Variants in ZNF680 observed in about 807,000 individuals in gnomAD.
ZNF680 encodes the protein hypothetical protein FLJ90430.
In ZNF680, 6 loss-of-function variants were observed where a neutral mutation model predicts 12.1. The ratio of observed to expected loss-of-function variants is 0.49; its 90% CI spans 0.27 to 0.98. The LOEUF (loss-of-function observed/expected upper bound fraction) is 0.98. Ranked by LOEUF, ZNF680 falls within the 50% of genes least tolerant of loss-of-function variation. The pLI, the probability that ZNF680 is intolerant of heterozygous loss-of-function variation, is 0.12. For synonymous variants in ZNF680, 170 were observed against 199.3 expected, an observed-to-expected ratio of 0.85 and a Z score of 1.24; for missense variants, 561 against 616.3, an observed-to-expected ratio of 0.91 and a Z score of 0.95.
chr7:64,535,901 A>G (rs1409436752), intron 3 of ZNF680, among the ~76,000 whole-genome samples: 2 of 152,036 alleles, frequency 1.3e-5, no homozygotes, highest in Non-Finnish European at 2.9e-5. Context: ...TCGAGATCAC[A>G]CCACCGCACT....
At chr7:64,512,092 T>C in the ZNF680 span, among the ~76,000 whole-genome samples, 1 of 150,556 alleles carries the variant, frequency 6.6e-6, no homozygotes, top group Non-Finnish European at 1.5e-5. Flanking sequence ...AAAATAAATA[T>C]CCAAGCCATA....
chr7:64,503,795 A>G, the ZNF680 span, among the ~76,000 whole-genome samples: 1 of 152,216 alleles, frequency 6.6e-6, no homozygotes, highest in Non-Finnish European at 1.5e-5. Context: ...CAAGATGCAG[A>G]GAAGACATAT....
chr7:64,514,940 G>A (rs1244879892), downstream of ZNF680, among the ~76,000 whole-genome samples: 1 of 152,120 alleles, frequency 6.6e-6, no homozygotes, highest in Non-Finnish European at 1.5e-5. Flanking sequence ...CTACTTGGGA[G>A]GTTGAGGCAG....
intron 1 of ZNF680, among the ~76,000 whole-genome samples, chr7:64,556,013 C>T (rs563553690): frequency 6.6e-6 from 1 of 151,274 alleles, no homozygotes; most frequent in Admixed American, 6.6e-5. Flanking sequence ...AAAAAAATCC[C>T]ATTCACAATA....
At chr7:64,503,216 C>CTA in the ZNF680 span, among the ~76,000 whole-genome samples, 1 of 151,928 alleles carries the variant, frequency 6.6e-6, no homozygotes, top group Non-Finnish European at 1.5e-5. Context: ...AAATAATGAA[C>CTA]TATAATGTGT....
chr7:64,503,279 CAT>C, the ZNF680 span, among the ~76,000 whole-genome samples: 4 of 74,910 alleles, frequency 5.3e-5, no homozygotes, highest in African/African-American at 2.9e-4. Context: ...TTTCAGCACA[CAT>C]ATAGTTTTGT....
chr7:64,501,231 C>CA, the ZNF680 span: 1 of 868,046 alleles, frequency 1.2e-6, no homozygotes, highest in Non-Finnish European at 2.0e-6. Flanking sequence ...AAAGGATGTA[C>CA]AGTTGCCCAG....
At chr7:64,535,262 C>T (rs1367128379) in intron 3 of ZNF680, among the ~76,000 whole-genome samples, 4 of 151,996 alleles carry the variant, frequency 2.6e-5, no homozygotes, top group Non-Finnish European at 5.9e-5. Context: ...CTACTGGAGA[C>T]GCTGAAGTTA....
At chr7:64,525,511 C>A (rs1420737889) in intron 3 of ZNF680, 3 of 153,424 alleles carry the variant, frequency 2.0e-5, no homozygotes. Context: ...TTAGAGAAAA[C>A]AGAGTGGTGT....
intron 3 of ZNF680, among the ~76,000 whole-genome samples, chr7:64,536,073 T>C (rs1472779889): frequency 6.6e-6 from 1 of 152,210 alleles, no homozygotes; most frequent in African/African-American, 2.4e-5. Flanking sequence ...TCTATCTATA[T>C]GTATGTGTAT....
chr7:64,558,718 C>G (rs1787555632), intron 1 of ZNF680, among the ~76,000 whole-genome samples: 1 of 151,020 alleles, frequency 6.6e-6, no homozygotes, highest in South Asian at 2.1e-4. Flanking sequence ...AATTTGAATT[C>G]CAAAGGAGGA....
intron 3 of ZNF680, 39 bp downstream of exon 3, chr7:64,543,668 T>C: frequency 6.5e-7 from 1 of 1,530,770 alleles, no homozygotes; most frequent in Non-Finnish European, 9.0e-7. Context: ...GGACCTCTCA[T>C]CTGTGTCATC....
the ZNF680 span, among the ~76,000 whole-genome samples, chr7:64,514,007 A>G: frequency 6.6e-6 from 1 of 152,148 alleles, no homozygotes; most frequent in African/African-American, 2.4e-5. Flanking sequence ...ATTTTAAATC[A>G]TCATTTTAGC....
downstream of ZNF680, among the ~76,000 whole-genome samples, chr7:64,518,541 C>T (rs1279706517): frequency 6.6e-6 from 1 of 151,848 alleles, no homozygotes; most frequent in Non-Finnish European, 1.5e-5. Context: ...AAAATAGCAA[C>T]ATCATTCTTC....
At chr7:64,503,378 CTTTTTTT>C in the ZNF680 span, among the ~76,000 whole-genome samples, 21,162 of 91,406 alleles carry the variant, frequency 0.23, 1,296 homozygotes, top group South Asian at 0.32. Context: ...AACTGGAAGG[CTTTTTTT>C]TTTTTTTTTT....
intron 1 of ZNF680, among the ~76,000 whole-genome samples, chr7:64,549,569 G>A (rs965628142): frequency 1.3e-5 from 2 of 151,998 alleles, no homozygotes; most frequent in African/African-American, 4.8e-5. Context: ...GATTCTAGGT[G>A]GCATCAACCT....
At chr7:64,514,853 G>C in the ZNF680 span, among the ~76,000 whole-genome samples, 1 of 152,186 alleles carries the variant, frequency 6.6e-6, no homozygotes, top group African/African-American at 2.4e-5. Flanking sequence ...AGACCATCCT[G>C]ACCAACATGG....
chr7:64,510,210 G>A, the ZNF680 span, among the ~76,000 whole-genome samples: 1 of 125,522 alleles, frequency 8.0e-6, no homozygotes, highest in Non-Finnish European at 1.6e-5. Flanking sequence ...AAGTCTTGGT[G>A]ATCCCATAAA....
chr7:64,544,202 C>G (rs1786656700), intron 2 of ZNF680, 104 bp downstream of exon 2: 1 of 1,463,486 alleles, frequency 6.8e-7, no homozygotes, highest in African/African-American at 1.4e-5. Flanking sequence ...AAACAGGGAT[C>G]TGAAACTCAT....
Sources: gnomAD v4.1 joint callset for allele counts (sites outside exome capture counted in the v4.1 genomes callset) on GRCh38, gnomAD v4.1.1 for gene constraint, MANE v1.5 for transcripts, NCBI Gene and HGNC (gene_info 2026-07-23, HGNC 2026-07-21) for gene names.